KCNN3: variants seen among roughly 807,000 people sequenced by gnomAD.
The protein encoded by KCNN3 is small conductance calcium-activated potassium channel protein 3.
In KCNN3, 16 loss-of-function variants were observed where a neutral mutation model predicts 62.9. That is an observed-to-expected ratio of 0.25 (90% CI 0.17 to 0.39). The LOEUF is 0.39. KCNN3 is among the 10% of genes least tolerant of loss of function. The probability of loss-of-function intolerance (pLI) is 1.00; values close to 1 mark genes in which losing one functional copy is unlikely to be tolerated. For missense variants in KCNN3, 599 were observed against 949.4 expected, an observed-to-expected ratio of 0.63 and a Z score of 4.85; for synonymous variants, 370 against 389.2, an observed-to-expected ratio of 0.95 and a Z score of 0.58.
chr1:154,808,690 G>A (rs530959053), intron 2 of KCNN3, among the ~76,000 whole-genome samples: 1 of 152,082 alleles, frequency 6.6e-6, no homozygotes, highest in African/African-American at 2.4e-5. Flanking sequence ...TCTAACAGCA[G>A]CAGGAAGACA....
intron 3 of KCNN3, among the ~76,000 whole-genome samples, chr1:154,752,848 T>C (rs1021937147): frequency 6.6e-6 from 1 of 152,110 alleles, no homozygotes; most frequent in Non-Finnish European, 1.5e-5. Context: ...CCACAAAGCA[T>C]TCCTATGAGG....
chr1:154,865,768 G>A (rs767214724), intron 1 of KCNN3, among the ~76,000 whole-genome samples: 9 of 151,836 alleles, frequency 5.9e-5, no homozygotes, highest in Non-Finnish European at 1.2e-4. Flanking sequence ...ACAACCCCAC[G>A]GAAAAAAAAG....
chr1:154,729,201 C>A (rs942269803), intron 4 of KCNN3, among the ~76,000 whole-genome samples: 5 of 152,148 alleles, frequency 3.3e-5, no homozygotes, highest in Non-Finnish European at 5.9e-5. Flanking sequence ...GCTGCTATGA[C>A]TTCCCTGGGG....
intron 1 of KCNN3, among the ~76,000 whole-genome samples, chr1:154,834,071 G>A (rs529082094): frequency 2.0e-5 from 3 of 152,340 alleles, no homozygotes; most frequent in South Asian, 2.1e-4. Flanking sequence ...TGTGATGGAC[G>A]ATGTTGATAG....
At position 154,772,511 on chromosome 1, in the gene KCNN3, C is replaced by T; in HGVS notation, c.1030-118G>A. On this transcript the variant is annotated intron_variant, in intron 2 of 7. Coordinates refer to ENST00000271915, the MANE Select transcript of KCNN3 (RefSeq NM_002249.6). This position sits in a 1 kb window ranked among gnomAD's most constrained non-coding sequence, Gnocchi z 5.6. ...GCTGGGCTCAGGTCAGCCTGACCAC[C>T]TCAGCATGCTCTTTAGGGGCCTTGC... 1.1e-6 allele frequency: 1 copy of T among 916,656 alleles called. No homozygotes were observed. Among genetic ancestry groups the T allele is most frequent in the East Asian group, 2.6e-5 (1 of 38,570 alleles). 56.8% of individuals were successfully genotyped at this position (916,656 alleles called of 1,614,324 possible). A position where few individuals can be genotyped will look rare whatever the true frequency, so the allele number is the denominator to read the frequency against.
At chr1:154,821,146 G>A (rs1169577186) in intron 2 of KCNN3, among the ~76,000 whole-genome samples, 1 of 152,128 alleles carries the variant, frequency 6.6e-6, no homozygotes, top group East Asian at 1.9e-4. Context: ...GCTGGCCAAA[G>A]ACACACCAAG....
intron 1 of KCNN3, among the ~76,000 whole-genome samples, chr1:154,837,124 G>A (rs1266523085): frequency 1.4e-5 from 2 of 148,074 alleles, no homozygotes; most frequent in African/African-American, 5.0e-5. Context: ...TTTTGAGACA[G>A]AGTCTTGCTC....
chr1:154,838,458 C>A (rs1211931870), intron 1 of KCNN3, among the ~76,000 whole-genome samples: 1 of 152,164 alleles, frequency 6.6e-6, no homozygotes, highest in East Asian at 1.9e-4. Flanking sequence ...TGATCTGACC[C>A]CTGCCTGCCT....
intron 2 of KCNN3, among the ~76,000 whole-genome samples, chr1:154,773,506 G>T (rs946154264): frequency 6.6e-6 from 1 of 152,228 alleles, no homozygotes; most frequent in Non-Finnish European, 1.5e-5. Context: ...CTGGTGACTA[G>T]CATCGGAAGT....
intron 7 of KCNN3, among the ~76,000 whole-genome samples, chr1:154,710,683 G>A (rs564047035): frequency 1.3e-5 from 2 of 152,258 alleles, no homozygotes; most frequent in South Asian, 2.1e-4. Context: ...GTGGGCGAAG[G>A]ATATGAACAG....
chr1:154,869,874 G>A lies in KCNN3; in HGVS notation c.91C>T (p.Gln31Ter). 6.2e-7 allele frequency: 1 copy of A among 1,600,476 alleles called. No individual in the cohort carries two copies. The change falls in exon 1 of 8, where the codon CAG becomes TAG. Residue 31 changes from glutamine to a stop codon, truncating the protein, a stop_gained. Coordinates refer to ENST00000271915, the MANE Select transcript of KCNN3 (RefSeq NM_002249.6). LOFTEE classifies it high-confidence loss of function. The surrounding 1 kb of genome is among the most constrained non-coding windows in gnomAD (Gnocchi z 6.1). ...CPCPSSGDEQ[Q>*]QQQQQQQQQQ... ...TGCTGTTGCTGCTGCTGCTGCTGCT[G>A]CTGCTCATCCCCAGAGGATGGACAG...
intron 1 of KCNN3, among the ~76,000 whole-genome samples, chr1:154,851,987 C>T (rs1191094681): frequency 6.6e-6 from 1 of 152,244 alleles, no homozygotes; most frequent in South Asian, 2.1e-4. Context: ...CACATGATCC[C>T]TCCACTCACT....
At chr1:154,796,766 C>T (rs1207681867) in intron 2 of KCNN3, among the ~76,000 whole-genome samples, 1 of 152,240 alleles carries the variant, frequency 6.6e-6, no homozygotes, top group East Asian at 1.9e-4. Context: ...CTGTGCAAGG[C>T]ACTCCGGTGG....
intron 3 of KCNN3, among the ~76,000 whole-genome samples, chr1:154,759,742 A>C (rs975729391): frequency 2.0e-5 from 3 of 152,208 alleles, no homozygotes; most frequent in Non-Finnish European, 4.4e-5. Context: ...AATCCTGGAG[A>C]CAAAAGACAC....
intron 3 of KCNN3, among the ~76,000 whole-genome samples, chr1:154,750,390 C>T (rs1286352654): frequency 6.6e-6 from 1 of 152,232 alleles, no homozygotes; most frequent in Admixed American, 6.5e-5. Flanking sequence ...TTCAGCAATC[C>T]TTTTCTCTGC....
chr1:154,801,323 C>T (rs1649945678), intron 2 of KCNN3, among the ~76,000 whole-genome samples: 1 of 152,078 alleles, frequency 6.6e-6, no homozygotes, highest in Non-Finnish European at 1.5e-5. Flanking sequence ...CCCCCGGAGT[C>T]ACTTTTTATT....
chr1:154,867,052 A>G (rs962179590), intron 1 of KCNN3, among the ~76,000 whole-genome samples: 3 of 152,190 alleles, frequency 2.0e-5, no homozygotes, highest in Admixed American at 2.0e-4. Flanking sequence ...TACGGGTGTC[A>G]CTGAAAGAGA....
intron 7 of KCNN3, among the ~76,000 whole-genome samples, chr1:154,709,794 A>C (rs1222983224): frequency 6.6e-6 from 1 of 152,168 alleles, no homozygotes; most frequent in African/African-American, 2.4e-5. Flanking sequence ...CGAGGCAAAC[A>C]TTCTTCCCGG....
At chr1:154,723,630 G>A (rs1476124715) in intron 5 of KCNN3, among the ~76,000 whole-genome samples, 2 of 151,946 alleles carry the variant, frequency 1.3e-5, no homozygotes, top group Non-Finnish European at 2.9e-5. Flanking sequence ...AAAATGGAGA[G>A]GACAAAGGAA....
Sources: allele counts gnomAD v4.1 joint callset (sites outside exome capture counted in the v4.1 genomes callset), GRCh38; gene constraint gnomAD v4.1.1; non-coding constraint Gnocchi (gnomAD v3.1); transcripts MANE v1.5; gene names NCBI Gene and HGNC (gene_info 2026-07-23, HGNC 2026-07-21).